Variants in DLGAP3 observed in about 807,000 individuals in gnomAD.
The protein encoded by DLGAP3 is DLG associated protein 3.
Under a neutral mutation model 81.2 loss-of-function variants are expected in DLGAP3, and 17 were observed. The ratio of observed to expected loss-of-function variants is 0.21; its 90% CI spans 0.14 to 0.31. The LOEUF (loss-of-function observed/expected upper bound fraction) is 0.31. Ranked by LOEUF, DLGAP3 falls within the 10% of genes least tolerant of loss-of-function variation. The pLI is 1.00. For missense variants in DLGAP3, 1,124 were observed against 1,388.0 expected (o/e 0.81, Z 3.02); for synonymous variants, 577 against 587.4 (o/e 0.98, Z 0.26).
At chr1:34,920,072 T>C (rs908735028) in intron 1 of DLGAP3, among the ~76,000 whole-genome samples, 5 of 152,158 alleles carry the variant, frequency 3.3e-5, no homozygotes, top group African/African-American at 1.2e-4. Context: ...ACATCTGGCT[T>C]CAGGAAGTCT....
chr1:34,900,745 C>T lies in DLGAP3; in HGVS notation c.1108-472G>A, dbSNP rs538781823. Among the ~76,000 whole-genome samples, 1 of 152,314 alleles carries T rather than the reference C, an allele frequency of 6.6e-6. No homozygotes were observed. The highest frequency in any genetic ancestry group is 2.4e-5 in the African/African-American group (1 of 41,570). On this transcript the variant is annotated intron_variant, in intron 3 of 11. Transcript: ENST00000373347. The surrounding 1 kb of genome is among the most constrained non-coding windows in gnomAD (Gnocchi z 5.6). ...ATTTGTGTTGCAGAAAGAGCTCTCC[C>T]ACAGTCCAAACAGAGGCTGGATTGT...
chr1:34,915,818 C>T (rs1302729918), intron 1 of DLGAP3, among the ~76,000 whole-genome samples: 1 of 151,868 alleles, frequency 6.6e-6, no homozygotes, highest in African/African-American at 2.4e-5. Context: ...CATGAGAGCA[C>T]ATAGAAAAGG....
At chr1:34,925,218 G>C (rs1055088297) in intron 1 of DLGAP3, among the ~76,000 whole-genome samples, 1 of 150,318 alleles carries the variant, frequency 6.7e-6, no homozygotes, top group African/African-American at 2.5e-5. Context: ...TCCCAAGAGA[G>C]AAAAGAAACC....
At position 34,873,780 on chromosome 1, in the gene DLGAP3, G is replaced by A. The variant is rs1569598191; in HGVS notation, c.2001-4691C>T. Among the ~76,000 whole-genome samples the A allele has an allele frequency of 1.3e-5, 2 of 152,222 alleles. No individual in the cohort carries two copies. Among genetic ancestry groups the A allele is most frequent in the South Asian group, 4.2e-4 (2 of 4,814 alleles). On this transcript the variant is annotated intron_variant, in intron 8 of 11. Coordinates refer to ENST00000373347, the MANE Select transcript of DLGAP3 (RefSeq NM_001080418.3). The surrounding 1 kb of genome is among the most constrained non-coding windows in gnomAD (Gnocchi z 4.2). ...GTATCATGGCTGGTTATTTGCATAA[G>A]TGTCTCCTCACTAAATAGGGCAGTT...
chr1:34,900,421 C>T lies in DLGAP3; in HGVS notation c.1108-148G>A, dbSNP rs1357485600. ...GCAGAGGCAGAAGGGGAGGTAGGGT[C>T]TCAGGCTGTCCCCGTCCCTTACAAG... On this transcript the variant is annotated intron_variant, in intron 3 of 11. Coordinates refer to ENST00000373347, the MANE Select transcript of DLGAP3 (RefSeq NM_001080418.3). This position sits in a 1 kb window ranked among gnomAD's most constrained non-coding sequence, Gnocchi z 5.6. 2 of 812,802 alleles carry T rather than the reference C, an allele frequency of 2.5e-6. No homozygotes were observed. Among genetic ancestry groups the T allele is most frequent in the Admixed American group, 2.0e-5 (1 of 50,450 alleles). 50.3% of individuals were successfully genotyped at this position (812,802 alleles called of 1,614,324 possible).
Position 34,865,996 on chromosome 1 carries a change from G to T in DLGAP3, c.*87C>A. The T allele has an allele frequency of 1.7e-6, 2 of 1,197,468 alleles. No homozygotes were observed. The highest frequency in any genetic ancestry group is 2.3e-6 in the Non-Finnish European group (2 of 851,598). The allele number at this position is 1,197,468 out of a possible 1,614,324, so 74.2% of individuals were successfully genotyped here. Reference sequence around the variant, plus strand: ...TGCCGGTGGGGCGGGCGCACGGGGCGGCCCGCGTTCACAGTGACCTCGACG... The same window carrying T: ...TGCCGGTGGGGCGGGCGCACGGGGCTGCCCGCGTTCACAGTGACCTCGACG... On this transcript the variant is annotated 3_prime_UTR_variant, in exon 12 of 12. Transcript: ENST00000373347.
At chr1:34,914,703 T>C (rs1207109235) in intron 1 of DLGAP3, among the ~76,000 whole-genome samples, 1 of 152,194 alleles carries the variant, frequency 6.6e-6, no homozygotes, top group Non-Finnish European at 1.5e-5. Flanking sequence ...TCTAGCACAG[T>C]GCTAAGGGTT....
intron 8 of DLGAP3, among the ~76,000 whole-genome samples, chr1:34,871,737 TC>T (rs1638983358): frequency 6.6e-6 from 1 of 152,172 alleles, no homozygotes; most frequent in Admixed American, 6.5e-5. Context: ...ACTGCCATGT[TC>T]GCTGCCTTCC....
At chr1:34,910,441 G>A (rs1639621522) in intron 1 of DLGAP3, among the ~76,000 whole-genome samples, 2 of 152,158 alleles carry the variant, frequency 1.3e-5, no homozygotes, top group African/African-American at 2.4e-5. Flanking sequence ...CTCTTCATTG[G>A]TTTATTGATG....
At chr1:34,913,956 C>T (rs939807080) in intron 1 of DLGAP3, among the ~76,000 whole-genome samples, 3 of 152,198 alleles carry the variant, frequency 2.0e-5, no homozygotes, top group Non-Finnish European at 4.4e-5. Flanking sequence ...AGATATGTCC[C>T]TCTGCATAGC....
chr1:34,885,988 A>T, intron 6 of DLGAP3, 84 bp downstream of exon 6: 2 of 1,385,162 alleles, frequency 1.4e-6, no homozygotes, highest in Non-Finnish European at 2.0e-6. Context: ...CGCGGGTCAC[A>T]GCACAGTCGA....
At chr1:34,897,834 G>A (rs1477511171) in intron 5 of DLGAP3, among the ~76,000 whole-genome samples, 2 of 152,190 alleles carry the variant, frequency 1.3e-5, no homozygotes, top group Non-Finnish European at 2.9e-5. Flanking sequence ...TATTTTAAAG[G>A]TGGGACCAGC....
In DLGAP3 at chr1:34,866,240, A is replaced by C; in HGVS notation, c.2783T>G (p.Val928Gly). Residue 928 changes from valine to glycine, a missense_variant, in exon 12 of 12, where the codon GTG becomes GGG. This residue lies in a region of DLGAP3 where 133 missense variants were observed against 171.1 expected (regional missense o/e 0.78). Coordinates refer to ENST00000373347, the MANE Select transcript of DLGAP3 (RefSeq NM_001080418.3). Reference sequence around the variant, plus strand: ...CACGGAGTCCAGGGAGCGCTCCTTCACCGGCACGCCCCGGCCCCGCAGGGG... The same window carrying C: ...CACGGAGTCCAGGGAGCGCTCCTTCCCCGGCACGCCCCGGCCCCGCAGGGG... ...KKPLRGRGVP[V>G]KERSLDSVDR... The C allele has an allele frequency of 6.4e-7, 1 of 1,574,782 alleles. No individual in the cohort carries two copies. The highest frequency in any genetic ancestry group is 8.6e-7 in the Non-Finnish European group (1 of 1,163,610).
intron 2 of DLGAP3, among the ~76,000 whole-genome samples, chr1:34,905,997 C>T (rs1385183947): frequency 1.5e-4 from 6 of 40,240 alleles, no homozygotes; most frequent in East Asian, 5.9e-3. Flanking sequence ...GGCAACAGAG[C>T]GAGACCTGGC....
chr1:34,926,690 T>C (rs1639877435), intron 1 of DLGAP3, among the ~76,000 whole-genome samples: 1 of 151,984 alleles, frequency 6.6e-6, no homozygotes, highest in Non-Finnish European at 1.5e-5. Flanking sequence ...CCCAAAAAAC[T>C]AAAAAACAAC....
intron 5 of DLGAP3, among the ~76,000 whole-genome samples, chr1:34,892,890 C>T (rs191389629): frequency 5.3e-4 from 81 of 152,266 alleles, no homozygotes; most frequent in African/African-American, 1.8e-3. Flanking sequence ...AATGAACACA[C>T]GGCCGGGCGC....
chr1:34,890,482 A>G (rs1639295043), intron 5 of DLGAP3, among the ~76,000 whole-genome samples: 1 of 152,226 alleles, frequency 6.6e-6, no homozygotes, highest in Non-Finnish European at 1.5e-5. Flanking sequence ...AGAATATGGC[A>G]GATACAATGG....
chr1:34,869,585 G>A (rs1569593219), intron 8 of DLGAP3, among the ~76,000 whole-genome samples: 2 of 150,326 alleles, frequency 1.3e-5, no homozygotes, highest in East Asian at 4.0e-4. Flanking sequence ...CGCCTCCCGG[G>A]TTCAAGCGAT....
In DLGAP3 at chr1:34,905,323, G is replaced by C; in HGVS notation, c.61C>G (p.Gln21Glu). 1 of 1,562,954 alleles carries C rather than the reference G, an allele frequency of 6.4e-7. No individual in the cohort carries two copies. Among genetic ancestry groups the C allele is most frequent in the Non-Finnish European group, 8.7e-7 (1 of 1,153,364 alleles). The change falls in exon 3 of 12, where the codon CAG (glutamine) becomes GAG (glutamate). Residue 21 changes from glutamine (Q) to glutamate (E), a missense_variant. By Grantham distance (29) the Gln-to-Glu change is conservative. Around this residue, in one of 9 missense-constraint regions of DLGAP3, gnomAD observed 167 missense variants for 172.1 expected, o/e 0.97. Coordinates refer to ENST00000373347, the MANE Select transcript of DLGAP3 (RefSeq NM_001080418.3). Reference sequence around the variant, plus strand: ...GCAGCAGGGCCCACGTCCATATGCTGTTGGTCAGCAAAGCGGGCTGGGCGG... The same window carrying C: ...GCAGCAGGGCCCACGTCCATATGCTCTTGGTCAGCAAAGCGGGCTGGGCGG... Reference protein sequence around the residue: ...HPRPARFADQQHMDVGPAARA... With the variant: ...HPRPARFADQEHMDVGPAARA...
Sources: allele counts gnomAD v4.1 joint callset (sites outside exome capture counted in the v4.1 genomes callset), GRCh38; gene constraint gnomAD v4.1.1; regional missense constraint gnomAD v4.1.1; non-coding constraint Gnocchi (gnomAD v3.1); transcripts MANE v1.5; gene names NCBI Gene and HGNC (gene_info 2026-07-23, HGNC 2026-07-21).